Variants in GRSF1 observed in about 807,000 individuals in gnomAD.
The protein encoded by GRSF1 is G-rich sequence factor 1.
GRSF1 carries 50 observed loss-of-function variants against 51.1 expected under a neutral mutation model. The ratio of observed to expected loss-of-function variants is 0.98; its 90% CI spans 0.78 to 1.24. GRSF1 has a LOEUF of 1.24. Ranked by LOEUF, GRSF1 falls within the 50% of genes most tolerant of loss-of-function variation. The pLI is 0.00. For synonymous variants in GRSF1, 293 were observed against 253.3 expected (o/e 1.16, Z -1.49); for missense variants, 700 against 639.7 (o/e 1.09, Z -1.02).
intron 9 of GRSF1, 139 bp downstream of exon 9, chr4:70,824,155 G>C: frequency 4.8e-6 from 2 of 416,984 alleles, no homozygotes; most frequent in South Asian, 3.0e-5. Context: ...ATTTTTAGTA[G>C]AGACAGGGTT....
intron 5 of GRSF1, among the ~76,000 whole-genome samples, chr4:70,828,339 A>G (rs1053398436): frequency 6.6e-6 from 1 of 152,226 alleles, no homozygotes; most frequent in Non-Finnish European, 1.5e-5. Flanking sequence ...TTGTGTATAC[A>G]GAAAAAATTA....
chr4:70,826,140 G>C lies in GRSF1; in HGVS notation c.1241C>G (p.Ala414Gly). ...GCCACACACGTTTATAATGTCTTGG[G>C]CATTGGCTTGGAAAGGTAATCCTCT... ...HMRGLPFQAN[A>G]QDIINFFAPL... The change falls in exon 7 of 10, where the codon GCC becomes GGC. Residue 414 changes from alanine to glycine, a missense_variant. Ala to Gly is a moderately conservative substitution (Grantham distance 60). Transcript: ENST00000254799. 1 of 1,610,818 alleles carries C rather than the reference G, an allele frequency of 6.2e-7. No homozygotes were observed. Among genetic ancestry groups the C allele is most frequent in the East Asian group, 2.2e-5 (1 of 44,826 alleles).
chr4:70,829,980 A>T (rs1480683316), intron 5 of GRSF1, among the ~76,000 whole-genome samples: 1 of 152,226 alleles, frequency 6.6e-6, no homozygotes, highest in African/African-American at 2.4e-5. Flanking sequence ...CTCCAAAGTT[A>T]AAGTTAAAAC....
At chr4:70,829,109 T>C (rs1411298345) in intron 5 of GRSF1, among the ~76,000 whole-genome samples, 1 of 152,146 alleles carries the variant, frequency 6.6e-6, no homozygotes, top group Non-Finnish European at 1.5e-5. Flanking sequence ...CAAGTTGCTC[T>C]TGAACTCCTG....
At chr4:70,836,859 G>A (rs1157310472) in intron 1 of GRSF1, among the ~76,000 whole-genome samples, 1 of 152,192 alleles carries the variant, frequency 6.6e-6, no homozygotes, top group African/African-American at 2.4e-5. Context: ...GTTTGAAGGC[G>A]AGAGAAAGAA....
chr4:70,837,633 A>ATTTTC (rs961438072), intron 1 of GRSF1, among the ~76,000 whole-genome samples: 20 of 149,186 alleles, frequency 1.3e-4, no homozygotes, highest in African/African-American at 2.0e-4. Context: ...ACTATCTGTC[A>ATTTTC]TTTTCTTTTC....
chr4:70,839,184 C>A (rs576212661), intron 1 of GRSF1: 2 of 1,381,066 alleles, frequency 1.4e-6, no homozygotes, highest in Middle Eastern at 1.9e-4. Flanking sequence ...TACCATGGGC[C>A]AGGCGGGGAA....
At chr4:70,837,076 C>T (rs182396278) in intron 1 of GRSF1, among the ~76,000 whole-genome samples, 4 of 152,264 alleles carry the variant, frequency 2.6e-5, no homozygotes, top group East Asian at 1.9e-4. Context: ...GACAGCAGGA[C>T]GCCTTGGGAA....
intron 1 of GRSF1, 77 bp downstream of exon 1, chr4:70,839,394 G>A (rs968467639): frequency 8.6e-6 from 13 of 1,508,566 alleles, no homozygotes; most frequent in Non-Finnish European, 1.1e-5. Flanking sequence ...CGCACACGGA[G>A]GGACGGAGGG....
At chr4:70,829,638 A>G (rs749303851) in intron 5 of GRSF1, among the ~76,000 whole-genome samples, 133 of 152,234 alleles carry the variant, frequency 8.7e-4, no homozygotes, top group Non-Finnish European at 1.6e-3. Context: ...GGGTAACAGA[A>G]TAAGACTCTG....
At chr4:70,835,911 C>T (rs1056638003) in intron 2 of GRSF1, among the ~76,000 whole-genome samples, 8 of 152,136 alleles carry the variant, frequency 5.3e-5, no homozygotes, top group African/African-American at 1.9e-4. Context: ...GAGCCACTGC[C>T]CCTGGCCCAA....
chr4:70,824,308 C>T lies in GRSF1; in HGVS notation c.*11G>A, dbSNP rs1293350430. ...CTTAAATTTACCTTATTATCTGGAG[C>T]CCCTAGAGTCTTATTTTCCTTTTGG... On this transcript the variant is annotated 3_prime_UTR_variant, in exon 9 of 10. Transcript: ENST00000254799. 3.7e-6 allele frequency: 5 copies of T among 1,364,034 alleles called. No individual in the cohort carries two copies. The highest frequency in any genetic ancestry group is 5.2e-6 in the Non-Finnish European group (5 of 965,802). The allele number at this position is 1,364,034 out of a possible 1,614,324, so 84.5% of individuals were successfully genotyped here.
intron 9 of GRSF1, among the ~76,000 whole-genome samples, chr4:70,823,974 C>CTTT (rs577909875): frequency 0.05 from 5,071 of 100,904 alleles, 856 homozygotes; most frequent in African/African-American, 0.15. Flanking sequence ...TTGTATCTCT[C>CTTT]TCTTTTTTTT....
upstream of GRSF1, among the ~76,000 whole-genome samples, chr4:70,842,527 C>G (rs1734479347): frequency 6.6e-6 from 1 of 152,068 alleles, no homozygotes; most frequent in South Asian, 2.1e-4. Flanking sequence ...CCTTGACCTC[C>G]CGGGTTCAAG....
rs77537481 is a variant in GRSF1, at chr4:70,829,760, G to A, written c.951-1724C>T. On this transcript the variant is annotated intron_variant, in intron 5 of 9. Coordinates refer to ENST00000254799, the MANE Select transcript of GRSF1 (RefSeq NM_002092.4). The stretch of plus-strand genomic sequence containing the variant: ...GTCAAGGCTGAAATGAGCAGTGTTT[G>A]TGGCACTGCACTTCAGCCTGGGTGA... 9.3e-3 allele frequency among the ~76,000 whole-genome samples: 1,410 copies of A among 152,220 alleles called. 20 individuals are homozygous for A. The highest frequency in any genetic ancestry group is 0.031 in the African/African-American group (1,306 of 41,522).
intron 1 of GRSF1, among the ~76,000 whole-genome samples, chr4:70,838,000 G>A (rs1366346651): frequency 3.3e-5 from 5 of 151,784 alleles, no homozygotes; most frequent in Non-Finnish European, 1.5e-5. Context: ...GGGAGGCAGA[G>A]GCGGGCGGAT....
intron 2 of GRSF1, 61 bp from the exon 3 acceptor site, chr4:70,833,334 A>G (rs1734064045): frequency 2.8e-6 from 4 of 1,413,630 alleles, no homozygotes; most frequent in Non-Finnish European, 3.9e-6. Context: ...TCAATTATGT[A>G]AGTCACAAGA....
chr4:70,827,824 T>A, intron 6 of GRSF1, 28 bp downstream of exon 6: 1 of 1,495,758 alleles, frequency 6.7e-7, no homozygotes, highest in Non-Finnish European at 9.2e-7. Flanking sequence ...ATAGACCCAA[T>A]GAGTCTCAAG....
At chr4:70,831,006 T>C (rs1733944839) in intron 5 of GRSF1, among the ~76,000 whole-genome samples, 2 of 152,190 alleles carry the variant, frequency 1.3e-5, no homozygotes, top group South Asian at 2.1e-4. Flanking sequence ...ATTTTATATA[T>C]AAATGTGTTA....
Sources: allele counts gnomAD v4.1 joint callset (sites outside exome capture counted in the v4.1 genomes callset), GRCh38; gene constraint gnomAD v4.1.1; transcripts MANE v1.5; gene names NCBI Gene and HGNC (gene_info 2026-07-23, HGNC 2026-07-21).